AGAP1: variants seen among roughly 807,000 people sequenced by gnomAD.
AGAP1 encodes arf-GAP with GTPase, ANK repeat and PH domain-containing protein 1.
A neutral mutation model predicts 105.3 loss-of-function variants in AGAP1; 29 were observed. The ratio of observed to expected loss-of-function variants is 0.28; its 90% CI spans 0.21 to 0.38. AGAP1 has a LOEUF of 0.38. Ranked by LOEUF, AGAP1 falls within the 10% of genes least tolerant of loss-of-function variation. The pLI is 1.00. For synonymous variants in AGAP1, 509 were observed against 485.9 expected, an observed-to-expected ratio of 1.05 and a Z score of -0.63; for missense variants, 998 against 1,165.1, an observed-to-expected ratio of 0.86 and a Z score of 2.09.
chr2:236,090,847 C>T lies in AGAP1; in HGVS notation c.2115-29345C>T, dbSNP rs900687592. Among the ~76,000 whole-genome samples, 5 of 152,234 alleles carry T rather than the reference C, an allele frequency of 3.3e-5. No individual in the cohort carries two copies. Among genetic ancestry groups the T allele is most frequent in the African/African-American group, 1.2e-4 (5 of 41,452 alleles). On this transcript the variant is annotated intron_variant, in intron 16 of 17. Coordinates refer to ENST00000304032, the MANE Select transcript of AGAP1 (RefSeq NM_001037131.3). This position sits in a 1 kb window ranked among gnomAD's most constrained non-coding sequence, Gnocchi z 4.3. ...CCCCGCCTCCCAGGTTCAAGCGATT[C>T]TCATGCCTCAGCCTCCTGAGTAGCT...
rs79538174 is a variant in AGAP1, at chr2:235,919,459, C to T, written c.1324+10553C>T. On this transcript the variant is annotated intron_variant, in intron 11 of 17. Transcript: ENST00000304032. This position sits in a 1 kb window ranked among gnomAD's most constrained non-coding sequence, Gnocchi z 4.1. Reference sequence around the variant, plus strand: ...TCCCAACCAGCAAACCTGTAAAACCCGCCTCATGTTATCAGACTTGTGAGC... The same window carrying T: ...TCCCAACCAGCAAACCTGTAAAACCTGCCTCATGTTATCAGACTTGTGAGC... Among the ~76,000 whole-genome samples the T allele has an allele frequency of 9.0e-4, 137 of 152,250 alleles. No homozygotes were observed. The highest frequency in any genetic ancestry group is 3.0e-3 in the African/African-American group (125 of 41,542).
chr2:235,589,192 TTG>T (rs1491038509), intron 1 of AGAP1, among the ~76,000 whole-genome samples: 8,243 of 60,892 alleles, frequency 0.14, 1,579 homozygotes, highest in African/African-American at 0.17. Context: ...GCTTATTGTT[TTG>T]TTTTTTTTTT....
chr2:235,974,634 A>T (rs535514033), intron 13 of AGAP1, among the ~76,000 whole-genome samples: 8 of 152,252 alleles, frequency 5.3e-5, no homozygotes, highest in Non-Finnish European at 1.2e-4. Context: ...GTAAGTCACA[A>T]ACGGGCCTCT....
At position 235,879,866 on chromosome 2, in the gene AGAP1, C is replaced by G. The variant is rs541221082; in HGVS notation, c.1051-3479C>G. ...GGAGAATTGCTTGAGCTGGAAAGTT[C>G]AAGGTTGCAGTGAGCTGTAATTGCA... On this transcript the variant is annotated intron_variant, in intron 9 of 17. Coordinates refer to ENST00000304032, the MANE Select transcript of AGAP1 (RefSeq NM_001037131.3). This position sits in a 1 kb window ranked among gnomAD's most constrained non-coding sequence, Gnocchi z 5.0. Among the ~76,000 whole-genome samples, 3 of 152,268 alleles carry G rather than the reference C, an allele frequency of 2.0e-5. No homozygotes were observed. Among genetic ancestry groups the G allele is most frequent in the South Asian group, 2.1e-4 (1 of 4,822 alleles).
rs1038853017 is a variant in AGAP1 at position 235,689,048 on chromosome 2, A to G, written c.164-20131A>G. The stretch of plus-strand genomic sequence containing the variant: ...CGGTAGATTATTGTCCCATAAATCT[A>G]TAAGATTGATTGATTGGTTATCTGT... On this transcript the variant is annotated intron_variant, in intron 1 of 17. Coordinates refer to ENST00000304032, the MANE Select transcript of AGAP1 (RefSeq NM_001037131.3). The surrounding 1 kb of genome is among the most constrained non-coding windows in gnomAD (Gnocchi z 4.2). Among the ~76,000 whole-genome samples, 5 of 138,528 alleles carry G rather than the reference A, an allele frequency of 3.6e-5. No individual in the cohort carries two copies. In the East Asian group the frequency reaches 7.0e-4, roughly 19 times the overall value. 90.9% of individuals were successfully genotyped at this position (138,528 alleles called of 152,430 possible). A position where few individuals can be genotyped will look rare whatever the true frequency, so the allele number is the denominator to read the frequency against.
At chr2:235,628,610 G>A (rs1015575467) in intron 1 of AGAP1, among the ~76,000 whole-genome samples, 2 of 151,938 alleles carry the variant, frequency 1.3e-5, no homozygotes, top group African/African-American at 4.8e-5. Flanking sequence ...AGAAGGGGGA[G>A]CCATTGCCCA....
chr2:235,613,006 G>T (rs1015812074), intron 1 of AGAP1, among the ~76,000 whole-genome samples: 4 of 151,546 alleles, frequency 2.6e-5, no homozygotes, highest in Admixed American at 2.0e-4. Flanking sequence ...TGTAACAAGA[G>T]AATTTTGCAT....
At chr2:236,063,850 A>T (rs1260307968) in intron 16 of AGAP1, among the ~76,000 whole-genome samples, 1 of 152,224 alleles carries the variant, frequency 6.6e-6, no homozygotes, top group Non-Finnish European at 1.5e-5. Flanking sequence ...AACTGATACA[A>T]AATTTCATCA....
chr2:235,652,048 C>T (rs190231831), intron 1 of AGAP1, among the ~76,000 whole-genome samples: 1 of 152,268 alleles, frequency 6.6e-6, no homozygotes, highest in East Asian at 1.9e-4. Context: ...TTGAGAAATA[C>T]AGGATATTGC....
At chr2:235,818,063 G>T (rs1958562349) in intron 9 of AGAP1, among the ~76,000 whole-genome samples, 1 of 152,204 alleles carries the variant, frequency 6.6e-6, no homozygotes, top group South Asian at 2.1e-4. Context: ...AATCCGATCT[G>T]CTCCCTGCAA....
chr2:235,916,531 C>G (rs80247614), intron 11 of AGAP1, among the ~76,000 whole-genome samples: 1,564 of 152,296 alleles, frequency 0.01, 11 homozygotes, highest in Non-Finnish European at 0.017. Flanking sequence ...AACATAATGT[C>G]CAAGAGCAAG....
chr2:235,696,672 G>A (rs538213388), intron 1 of AGAP1, among the ~76,000 whole-genome samples: 1 of 152,276 alleles, frequency 6.6e-6, no homozygotes, highest in South Asian at 2.1e-4. Flanking sequence ...AAAATTAGTA[G>A]TGGCACCATG....
chr2:235,581,948 G>A lies in AGAP1; in HGVS notation c.163+87099G>A, dbSNP rs528544574. Among the ~76,000 whole-genome samples, 17 of 152,312 alleles carry A rather than the reference G, an allele frequency of 1.1e-4. No homozygotes were observed. In the South Asian group the frequency reaches 1.7e-3, roughly 15 times the overall value. On this transcript the variant is annotated intron_variant, in intron 1 of 17. Transcript: ENST00000304032. ...GACTATGATTGTTGAATTAGCACCC[G>A]GGGAGGTTTTATTATTCTGTGTTCA...
intron 1 of AGAP1, among the ~76,000 whole-genome samples, chr2:235,603,202 CT>C (rs755673159): frequency 5.9e-5 from 9 of 152,032 alleles, no homozygotes; most frequent in Middle Eastern, 3.2e-3. Context: ...GGGGAAACCC[CT>C]TTTGCTCGGC....
rs890695393 is a variant in AGAP1 at position 235,569,230 on chromosome 2, G to T, written c.163+74381G>T. Among the ~76,000 whole-genome samples, 1 of 152,104 alleles carries T rather than the reference G, an allele frequency of 6.6e-6. No individual in the cohort carries two copies. Among genetic ancestry groups the T allele is most frequent in the Non-Finnish European group, 1.5e-5 (1 of 68,016 alleles). ...CTTGGGAGGCTGAGGCAGGAGAATC[G>T]CTTGAACCCAGGAGGCGGAGGTTGT... On this transcript the variant is annotated intron_variant, in intron 1 of 17. Transcript: ENST00000304032. The surrounding 1 kb of genome is among the most constrained non-coding windows in gnomAD (Gnocchi z 5.9).
At chr2:235,597,691 C>A (rs542264534) in intron 1 of AGAP1, among the ~76,000 whole-genome samples, 1 of 150,700 alleles carries the variant, frequency 6.6e-6, no homozygotes, top group Non-Finnish European at 1.5e-5. Flanking sequence ...GGGGCCCTGT[C>A]TGTGTGGAGC....
rs1014421384 is a variant in AGAP1, at chr2:235,959,304, C to A, written c.1484-9158C>A. On this transcript the variant is annotated intron_variant, in intron 12 of 17. Coordinates refer to ENST00000304032, the MANE Select transcript of AGAP1 (RefSeq NM_001037131.3). This position sits in a 1 kb window ranked among gnomAD's most constrained non-coding sequence, Gnocchi z 7.3. The stretch of plus-strand genomic sequence containing the variant: ...AGTGTCTCAGGCGGGGCTTTCGGGG[C>A]CTCTTCAATTTGAGGAATACCTTGT... Among the ~76,000 whole-genome samples, 1 of 152,120 alleles carries A rather than the reference C, an allele frequency of 6.6e-6. No individual in the cohort carries two copies. Among genetic ancestry groups the A allele is most frequent in the African/African-American group, 2.4e-5 (1 of 41,408 alleles).
intron 6 of AGAP1, among the ~76,000 whole-genome samples, chr2:235,776,492 G>A (rs960568539): frequency 1.2e-4 from 18 of 152,178 alleles, no homozygotes; most frequent in African/African-American, 4.1e-4. Context: ...TGCCTCCCTA[G>A]CACCTACCAT....
rs1232442451 is a variant in AGAP1, at chr2:236,105,517, G to A, written c.2115-14675G>A. ...CAGATGCCTCTTGCAGTGTCCTCAT[G>A]TGGAGGAGAGAGGAGAGGGGCATCT... On this transcript the variant is annotated intron_variant, in intron 16 of 17. Coordinates refer to ENST00000304032, the MANE Select transcript of AGAP1 (RefSeq NM_001037131.3). The surrounding 1 kb of genome is among the most constrained non-coding windows in gnomAD (Gnocchi z 4.2). Among the ~76,000 whole-genome samples the A allele has an allele frequency of 6.7e-6, 1 of 149,480 alleles. No homozygotes were observed. The highest frequency in any genetic ancestry group is 6.6e-5 in the Admixed American group (1 of 15,056).
Sources: allele counts gnomAD v4.1 joint callset (sites outside exome capture counted in the v4.1 genomes callset), GRCh38; gene constraint gnomAD v4.1.1; non-coding constraint Gnocchi (gnomAD v3.1); transcripts MANE v1.5; gene names NCBI Gene and HGNC (gene_info 2026-07-23, HGNC 2026-07-21).